The following CCDC85C variants were observed in gnomAD, a reference collection of about 807,000 sequenced individuals.
CCDC85C encodes the protein coiled-coil domain containing 85C.
CCDC85C carries 18 observed loss-of-function variants against 38.3 expected under a neutral mutation model. That is an observed-to-expected ratio of 0.47 (90% CI 0.33 to 0.70). The LOEUF is 0.70. Ranked by LOEUF, CCDC85C falls within the 30% of genes least tolerant of loss-of-function variation. The pLI, the probability that CCDC85C is intolerant of heterozygous loss-of-function variation, is 0.03. For synonymous variants in CCDC85C, 264 were observed against 293.8 expected (o/e 0.90, Z 1.04); for missense variants, 566 against 621.2 (o/e 0.91, Z 0.94).
chr14:99,587,439 A>G (rs749857666), intron 1 of CCDC85C, among the ~76,000 whole-genome samples: 5 of 152,164 alleles, frequency 3.3e-5, no homozygotes, highest in Non-Finnish European at 5.9e-5. Context: ...AGAAAAGAAA[A>G]ACCAAGAACA....
intron 1 of CCDC85C, among the ~76,000 whole-genome samples, chr14:99,597,979 GT>G (rs1566786535): frequency 6.6e-6 from 1 of 152,216 alleles, no homozygotes; most frequent in Non-Finnish European, 1.5e-5. Flanking sequence ...AGGCTTAGAG[GT>G]TCAGTAAGCT....
intron 1 of CCDC85C, among the ~76,000 whole-genome samples, chr14:99,575,437 C>T (rs555544867): frequency 6.6e-6 from 1 of 152,352 alleles, no homozygotes; most frequent in African/African-American, 2.4e-5. Flanking sequence ...GTTGGTAACA[C>T]ACCTCGAAGG....
intron 1 of CCDC85C, among the ~76,000 whole-genome samples, chr14:99,540,105 G>A (rs1000567211): frequency 1.4e-4 from 21 of 152,014 alleles, no homozygotes; most frequent in African/African-American, 4.1e-4. Context: ...CCGAGATCAC[G>A]CCACTGCAGT....
chr14:99,530,697 C>T (rs1285555772), intron 2 of CCDC85C, among the ~76,000 whole-genome samples: 1 of 152,226 alleles, frequency 6.6e-6, no homozygotes, highest in East Asian at 1.9e-4. Context: ...ATCCCAGGCC[C>T]TTGGGACCGC....
intron 1 of CCDC85C, among the ~76,000 whole-genome samples, chr14:99,565,282 C>T (rs998153889): frequency 3.9e-5 from 6 of 152,218 alleles, no homozygotes; most frequent in African/African-American, 1.2e-4. Flanking sequence ...ACCACCCCTG[C>T]GGGGCTCAGC....
chr14:99,537,849 C>T (rs548434901), intron 1 of CCDC85C, among the ~76,000 whole-genome samples: 11 of 152,280 alleles, frequency 7.2e-5, no homozygotes, highest in African/African-American at 2.6e-4. Context: ...GAGGCCTCAG[C>T]ATTCAGGGTG....
intron 1 of CCDC85C, among the ~76,000 whole-genome samples, chr14:99,564,097 A>G (rs947642797): frequency 6.6e-6 from 1 of 152,362 alleles, no homozygotes; most frequent in East Asian, 1.9e-4. Flanking sequence ...TTGTCTAGAA[A>G]TGACCAGATT....
intron 1 of CCDC85C, among the ~76,000 whole-genome samples, chr14:99,590,848 G>A (rs1486434482): frequency 2.0e-5 from 3 of 152,174 alleles, no homozygotes; most frequent in African/African-American, 7.2e-5. Context: ...CCAGAGGCTC[G>A]ATGAGTCATG....
chr14:99,534,700 G>T (rs189761722), intron 2 of CCDC85C: 7 of 702,246 alleles, frequency 1.0e-5, no homozygotes, highest in Admixed American at 2.0e-5. Context: ...CAATGGCCCC[G>T]CCAGGTCTGC....
chr14:99,561,711 G>T (rs1898120625), intron 1 of CCDC85C, among the ~76,000 whole-genome samples: 1 of 152,200 alleles, frequency 6.6e-6, no homozygotes, highest in African/African-American at 2.4e-5. Flanking sequence ...CAGGGCCCCA[G>T]CCTGGAGAAC....
At chr14:99,550,581 G>C (rs1386760313) in intron 1 of CCDC85C, among the ~76,000 whole-genome samples, 1 of 152,224 alleles carries the variant, frequency 6.6e-6, no homozygotes, top group Non-Finnish European at 1.5e-5. Context: ...ACTTTAGGTT[G>C]CTTGCTTAGT....
intron 2 of CCDC85C, among the ~76,000 whole-genome samples, chr14:99,529,998 G>A (rs906259303): frequency 6.6e-6 from 1 of 152,234 alleles, no homozygotes; most frequent in Non-Finnish European, 1.5e-5. Context: ...GAGGTGCAGA[G>A]AGGTTAAGCG....
chr14:99,587,708 G>C (rs1234060686), intron 1 of CCDC85C, among the ~76,000 whole-genome samples: 1 of 152,200 alleles, frequency 6.6e-6, no homozygotes, highest in East Asian at 1.9e-4. Context: ...AGGCAGGCCG[G>C]CCAAGCAGGG....
At position 99,516,949 on chromosome 14, in the gene CCDC85C, G is replaced by C; in HGVS notation, c.1071+139C>G. ...GTTCAACCTCACAGTGCTCCAGGCA[G>C]CCATGGTCACCCAGCCACCCACACA... On this transcript the variant is annotated intron_variant, in intron 4 of 5. Transcript: ENST00000380243. The surrounding 1 kb of genome is among the most constrained non-coding windows in gnomAD (Gnocchi z 5.5). The C allele has an allele frequency of 2.6e-6, 2 of 778,778 alleles. No individual in the cohort carries two copies. The highest frequency in any genetic ancestry group is 4.4e-6 in the Non-Finnish European group (2 of 451,710). The allele number at this position is 778,778 out of a possible 1,614,324, so 48.2% of individuals were successfully genotyped here. A position where few individuals can be genotyped will look rare whatever the true frequency, so the allele number is the denominator to read the frequency against.
intron 2 of CCDC85C, among the ~76,000 whole-genome samples, chr14:99,526,565 G>A (rs1439191008): frequency 5.9e-5 from 9 of 152,018 alleles, no homozygotes; most frequent in African/African-American, 1.4e-4. Flanking sequence ...TGACCACCCC[G>A]TCCCCAAGAC....
rs1897797088 is a variant in CCDC85C, at chr14:99,545,892, G to A, written c.794-9804C>T. Among the ~76,000 whole-genome samples the A allele has an allele frequency of 6.6e-6, 1 of 152,152 alleles. No individual in the cohort carries two copies. The highest frequency in any genetic ancestry group is 2.4e-5 in the African/African-American group (1 of 41,432). ...GCCCTGTGGGTGATTCTAACATGCA[G>A]CTCTGTGGTCACTGTTCCAATCATC... On this transcript the variant is annotated intron_variant, in intron 1 of 5. Coordinates refer to ENST00000380243, the MANE Select transcript of CCDC85C (RefSeq NM_001144995.2). The surrounding 1 kb of genome is among the most constrained non-coding windows in gnomAD (Gnocchi z 4.7).
Position 99,501,349 on chromosome 14 carries a change from T to A in CCDC85C, c.*13897A>T. 6.3e-7 allele frequency: 1 copy of A among 1,587,690 alleles called. No homozygotes were observed. Among genetic ancestry groups the A allele is most frequent in the Non-Finnish European group, 8.6e-7 (1 of 1,157,744 alleles). On this transcript the variant is annotated 3_prime_UTR_variant, in exon 6 of 6. Coordinates refer to ENST00000380243, the MANE Select transcript of CCDC85C (RefSeq NM_001144995.2). ...CTATTAATTTACCTTTTTGTCCCCA[T>A]TTCTAGGTGATAAAAACAAAATTCA...
chr14:99,500,664 T>C lies in CCDC85C; in HGVS notation c.*14582A>G, dbSNP rs1424561617. On this transcript the variant is annotated 3_prime_UTR_variant, in exon 6 of 6. Transcript: ENST00000380243. ...GGAAGGAAAGGCAGTTGCTAAAATA[T>C]AACTTGAAGAGAGAATAAATAGACA... The C allele has an allele frequency of 7.7e-6, 6 of 779,144 alleles. No individual in the cohort carries two copies. Among genetic ancestry groups the C allele is most frequent in the Non-Finnish European group, 1.1e-5 (5 of 456,710 alleles). The allele number at this position is 779,144 out of a possible 1,614,324, so 48.3% of individuals were successfully genotyped here.
chr14:99,510,525 C>G lies in CCDC85C; in HGVS notation c.*4721G>C. ...GCCTCCTCCCCCAGCCTCCTTCCCC[C>G]CACCTGCCATCCCACCCCCTACTCC... On this transcript the variant is annotated 3_prime_UTR_variant, in exon 6 of 6. Coordinates refer to ENST00000380243, the MANE Select transcript of CCDC85C (RefSeq NM_001144995.2). The G allele has an allele frequency of 1.8e-6, 1 of 570,502 alleles. No homozygotes were observed. Among genetic ancestry groups the G allele is most frequent in the Non-Finnish European group, 2.7e-6 (1 of 365,564 alleles). The allele number at this position is 570,502 out of a possible 1,614,324, so 35.3% of individuals were successfully genotyped here.
Sources: allele counts gnomAD v4.1 joint callset (sites outside exome capture counted in the v4.1 genomes callset), GRCh38; gene constraint gnomAD v4.1.1; non-coding constraint Gnocchi (gnomAD v3.1); transcripts MANE v1.5; gene names NCBI Gene and HGNC (gene_info 2026-07-23, HGNC 2026-07-21).